CSMD2: variants seen among roughly 807,000 people sequenced by gnomAD.
CSMD2 encodes CUB and Sushi multiple domains 2.
Under a neutral mutation model 398.5 loss-of-function variants are expected in CSMD2, and 130 were observed. That is an observed-to-expected ratio of 0.33 (90% CI 0.28 to 0.38). The LOEUF (loss-of-function observed/expected upper bound fraction) is 0.38. Ranked by LOEUF, CSMD2 falls within the 10% of genes least tolerant of loss-of-function variation. The probability of loss-of-function intolerance (pLI) is 1.00; values close to 1 mark genes in which losing one functional copy is unlikely to be tolerated. For synonymous variants in CSMD2, 1,828 were observed against 1,908.5 expected (o/e 0.96, Z 1.10); for missense variants, 3,829 against 4,764.9 (o/e 0.80, Z 5.78).
intron 25 of CSMD2, among the ~76,000 whole-genome samples, chr1:33,691,313 T>C (rs1325863803): frequency 1.3e-5 from 2 of 152,108 alleles, no homozygotes; most frequent in African/African-American, 2.4e-5. Flanking sequence ...AGAGGGTGAA[T>C]TGATCAGGTA....
chr1:33,580,685 C>G lies in CSMD2; in HGVS notation c.7387+68G>C, dbSNP rs920855730. ...TTTAGGAGGGGAATGGCCGCCCGGTCTCCACAGAGGAGCTTGAGGCTTCGA... is the reference window on the plus strand; with the variant it reads ...TTTAGGAGGGGAATGGCCGCCCGGTGTCCACAGAGGAGCTTGAGGCTTCGA... On this transcript the variant is annotated intron_variant, in intron 48 of 70. Coordinates refer to ENST00000373381, the MANE Select transcript of CSMD2 (RefSeq NM_001281956.2). 10 of 1,568,252 alleles carry G rather than the reference C, an allele frequency of 6.4e-6. No individual in the cohort carries two copies. The East Asian group carries it at 2.3e-4, about 36-fold the overall frequency.
chr1:34,154,492 T>C (rs1640619861), intron 1 of CSMD2, among the ~76,000 whole-genome samples: 1 of 152,198 alleles, frequency 6.6e-6, no homozygotes, highest in Non-Finnish European at 1.5e-5. Context: ...ATAAGCTAGA[T>C]GGCTATCCTC....
intron 3 of CSMD2, among the ~76,000 whole-genome samples, chr1:33,997,591 G>C (rs972708764): frequency 2.6e-5 from 4 of 152,130 alleles, no homozygotes; most frequent in Admixed American, 2.0e-4. Flanking sequence ...GCAGGCAAAC[G>C]GTGACCCATG....
intron 3 of CSMD2, among the ~76,000 whole-genome samples, chr1:33,943,839 G>A (rs546947277): frequency 2.4e-4 from 37 of 151,936 alleles, no homozygotes; most frequent in Middle Eastern, 3.4e-3. Flanking sequence ...GGCAGGAAGC[G>A]AGTGCTTAGT....
chr1:34,095,509 C>T (rs1479733934), intron 1 of CSMD2, among the ~76,000 whole-genome samples: 1 of 151,556 alleles, frequency 6.6e-6, no homozygotes, highest in Non-Finnish European at 1.5e-5. Flanking sequence ...AGATAGACCG[C>T]TAGCAAGACT....
chr1:33,528,325 G>A (rs1023382017), intron 64 of CSMD2, among the ~76,000 whole-genome samples: 5 of 152,240 alleles, frequency 3.3e-5, no homozygotes, highest in Admixed American at 1.3e-4. Context: ...TGACCAGTAA[G>A]TATTAATGTC....
intron 2 of CSMD2, 74 bp from the exon 3 acceptor site, chr1:34,032,780 T>C: frequency 9.9e-7 from 1 of 1,009,252 alleles, no homozygotes; most frequent in African/African-American, 1.6e-5. Context: ...ATTTATTGAG[T>C]GCCTGCTGGA....
intron 12 of CSMD2, among the ~76,000 whole-genome samples, chr1:33,774,302 C>G (rs1651686751): frequency 6.6e-6 from 1 of 152,174 alleles, no homozygotes; most frequent in Non-Finnish European, 1.5e-5. Flanking sequence ...ACAAGTACAT[C>G]TGCTGAAAAC....
intron 40 of CSMD2, among the ~76,000 whole-genome samples, chr1:33,613,985 T>C (rs2148847803): frequency 6.6e-6 from 1 of 152,072 alleles, no homozygotes; most frequent in Non-Finnish European, 1.5e-5. Context: ...AAAACAACCT[T>C]CCCAGTCTCT....
chr1:33,558,748 C>G (rs949711310), intron 54 of CSMD2, among the ~76,000 whole-genome samples: 10 of 152,134 alleles, frequency 6.6e-5, no homozygotes, highest in African/African-American at 2.4e-4. Flanking sequence ...CCTTTTGAGT[C>G]TTTGGCTTCC....
chr1:33,748,034 A>G (rs1647624682), intron 13 of CSMD2, among the ~76,000 whole-genome samples: 1 of 152,232 alleles, frequency 6.6e-6, no homozygotes, highest in Admixed American at 6.5e-5. Context: ...ACAGCTACCA[A>G]GAGGCATTTC....
chr1:33,685,282 T>C (rs1484156237), intron 25 of CSMD2, among the ~76,000 whole-genome samples: 4 of 152,226 alleles, frequency 2.6e-5, no homozygotes, highest in African/African-American at 4.8e-5. Context: ...CTTCAGATTC[T>C]TGTTCCAGGA....
At chr1:34,101,235 G>C (rs1288842997) in intron 1 of CSMD2, among the ~76,000 whole-genome samples, 2 of 152,186 alleles carry the variant, frequency 1.3e-5, no homozygotes. Context: ...TTTCTCTCTA[G>C]CCAGGATGGT....
chr1:33,846,100 G>A (rs1284919158), intron 6 of CSMD2, among the ~76,000 whole-genome samples: 2 of 152,228 alleles, frequency 1.3e-5, no homozygotes, highest in African/African-American at 2.4e-5. Flanking sequence ...ACGCAATGTC[G>A]AAAAGGAATG....
At chr1:33,678,941 A>G (rs1023740380) in intron 25 of CSMD2, among the ~76,000 whole-genome samples, 1 of 152,166 alleles carries the variant, frequency 6.6e-6, no homozygotes, top group Non-Finnish European at 1.5e-5. Flanking sequence ...CAGGGTAGTG[A>G]CTGCTGTCTT....
intron 5 of CSMD2, among the ~76,000 whole-genome samples, chr1:33,876,872 G>A (rs1490514697): frequency 2.6e-5 from 4 of 152,184 alleles, no homozygotes; most frequent in Non-Finnish European, 4.4e-5. Context: ...GCTCTGGTCC[G>A]GAGAGCATTC....
chr1:33,684,952 A>G (rs758455796), intron 25 of CSMD2, among the ~76,000 whole-genome samples: 7 of 152,178 alleles, frequency 4.6e-5, no homozygotes, highest in Non-Finnish European at 7.4e-5. Context: ...CAAACCTCTC[A>G]TCTCTCTACT....
At chr1:34,079,291 T>C (rs555372076) in intron 2 of CSMD2, among the ~76,000 whole-genome samples, 8 of 152,096 alleles carry the variant, frequency 5.3e-5, no homozygotes, top group Non-Finnish European at 1.0e-4. Context: ...AAATAAGGGG[T>C]ATCCCGATTG....
chr1:33,809,736 CA>C (rs1656638594), intron 10 of CSMD2, among the ~76,000 whole-genome samples: 1 of 105,224 alleles, frequency 9.5e-6, no homozygotes, highest in South Asian at 3.3e-4. Flanking sequence ...GTAGAAACAA[CA>C]CCATCATTTT....
Sources: allele counts gnomAD v4.1 joint callset (sites outside exome capture counted in the v4.1 genomes callset), GRCh38; gene constraint gnomAD v4.1.1; transcripts MANE v1.5; gene names NCBI Gene and HGNC (gene_info 2026-07-23, HGNC 2026-07-21).